The following COP1 variants were observed in gnomAD, a reference collection of about 807,000 sequenced individuals.
The protein encoded by COP1 is E3 ubiquitin-protein ligase COP1.
COP1 carries 24 observed loss-of-function variants against 101.3 expected under a neutral mutation model. The ratio of observed to expected loss-of-function variants is 0.24; its 90% CI spans 0.17 to 0.33. The LOEUF is 0.33. COP1 is among the 10% of genes least tolerant of loss of function. COP1 has a pLI of 1.00. For synonymous variants in COP1, 347 were observed against 341.9 expected, an observed-to-expected ratio of 1.01 and a Z score of -0.17; for missense variants, 663 against 906.2, an observed-to-expected ratio of 0.73 and a Z score of 3.45.
At chr1:176,065,798 C>G (rs560811486) in intron 11 of COP1, among the ~76,000 whole-genome samples, 10 of 151,768 alleles carry the variant, frequency 6.6e-5, no homozygotes, top group South Asian at 2.1e-4. Context: ...ACCTCCACCC[C>G]CTGGGTTCAA....
intron 11 of COP1, among the ~76,000 whole-genome samples, chr1:176,054,363 T>C (rs1271240608): frequency 3.3e-5 from 5 of 152,026 alleles, no homozygotes; most frequent in Admixed American, 6.5e-5. Context: ...GGTTTCACCA[T>C]GTTGGCCAGA....
intron 1 of COP1, among the ~76,000 whole-genome samples, chr1:176,196,171 C>CAA (rs539811508): frequency 5.8e-4 from 88 of 151,808 alleles, no homozygotes; most frequent in African/African-American, 2.0e-3. Context: ...AAAAGAGGGC[C>CAA]AAAAATCAAT....
intron 8 of COP1, among the ~76,000 whole-genome samples, chr1:176,124,519 GTTGT>G (rs749266845): frequency 2.7e-5 from 4 of 150,934 alleles, no homozygotes; most frequent in Non-Finnish European, 4.4e-5. Flanking sequence ...GAAAACATGT[GTTGT>G]TTATCTTTCT....
chr1:176,070,066 G>A (rs1207712153), intron 11 of COP1, among the ~76,000 whole-genome samples: 1 of 152,108 alleles, frequency 6.6e-6, no homozygotes. Flanking sequence ...TATGTCAAAT[G>A]TTAGATATCC....
chr1:175,945,075 A>T lies in COP1; in HGVS notation c.*78T>A. 1 of 1,079,774 alleles carries T rather than the reference A, an allele frequency of 9.3e-7. No individual in the cohort carries two copies. The highest frequency in any genetic ancestry group is 1.4e-6 in the Non-Finnish European group (1 of 715,434). The allele number at this position is 1,079,774 out of a possible 1,614,324, so 66.9% of individuals were successfully genotyped here. A position where few individuals can be genotyped will look rare whatever the true frequency, so the allele number is the denominator to read the frequency against. On this transcript the variant is annotated 3_prime_UTR_variant, in exon 20 of 20. Coordinates refer to ENST00000367669, the MANE Select transcript of COP1 (RefSeq NM_022457.7). ...ACTTTGGGGAGAGACATCACATGAC[A>T]TTTTCTGTTTCTTCTCTCATTGTCA...
intron 18 of COP1, among the ~76,000 whole-genome samples, chr1:175,966,935 A>C (rs2148570771): frequency 6.6e-6 from 1 of 152,288 alleles, no homozygotes; most frequent in Non-Finnish European, 1.5e-5. Flanking sequence ...CCCCCCATAC[A>C]CAAAATCCCA....
chr1:176,133,931 C>T (rs545860734), intron 8 of COP1: 2 of 441,772 alleles, frequency 4.5e-6, no homozygotes, highest in Admixed American at 2.5e-5. Flanking sequence ...CAGACCAAGT[C>T]ATTCTCAAAT....
At chr1:176,203,265 A>G (rs1393539625) in intron 1 of COP1, among the ~76,000 whole-genome samples, 1 of 152,202 alleles carries the variant, frequency 6.6e-6, no homozygotes, top group East Asian at 1.9e-4. Flanking sequence ...TGAACCCGGG[A>G]GGCGGAGCTT....
At chr1:176,077,706 C>A (rs1321456879) in intron 11 of COP1, among the ~76,000 whole-genome samples, 3 of 152,066 alleles carry the variant, frequency 2.0e-5, no homozygotes, top group Admixed American at 1.3e-4. Context: ...AAGATTAAGT[C>A]AAATTATCTC....
At chr1:176,021,656 T>C (rs1666770010) in intron 15 of COP1, among the ~76,000 whole-genome samples, 1 of 152,196 alleles carries the variant, frequency 6.6e-6, no homozygotes, top group African/African-American at 2.4e-5. Flanking sequence ...GAAATGGTTG[T>C]CTACATTAAC....
chr1:176,006,340 CTATTTA>C (rs1663206441), intron 15 of COP1, among the ~76,000 whole-genome samples: 2 of 152,298 alleles, frequency 1.3e-5, no homozygotes, highest in East Asian at 1.9e-4. Flanking sequence ...AGCATTTAGT[CTATTTA>C]TATTTAAAGT....
In COP1 at chr1:176,088,570, C is replaced by T. The variant is rs1043426366; in HGVS notation, c.1027-2680G>A. On this transcript the variant is annotated intron_variant, in intron 9 of 19. Coordinates refer to ENST00000367669, the MANE Select transcript of COP1 (RefSeq NM_022457.7). ...GCTTTTCTTTATATGTGTTTTACCT[C>T]CATTTCAAAGAAGGCATAATAAAAA... Among the ~76,000 whole-genome samples the T allele has an allele frequency of 3.2e-4, 48 of 151,956 alleles. 1 individual carries two copies. Among genetic ancestry groups the T allele is most frequent in the African/African-American group, 1.1e-3 (47 of 41,440 alleles).
At chr1:176,065,251 T>C (rs1057490580) in intron 11 of COP1, among the ~76,000 whole-genome samples, 2 of 152,108 alleles carry the variant, frequency 1.3e-5, no homozygotes, top group East Asian at 1.9e-4. Flanking sequence ...CTGTGAACAG[T>C]AGATAGAGAA....
At chr1:176,008,898 A>G (rs1306272311) in intron 15 of COP1, among the ~76,000 whole-genome samples, 2 of 152,200 alleles carry the variant, frequency 1.3e-5, no homozygotes, top group Non-Finnish European at 2.9e-5. Flanking sequence ...GGTCAGCAAC[A>G]CTTAGCAGTA....
chr1:176,007,592 A>T (rs1663618173), intron 15 of COP1, among the ~76,000 whole-genome samples: 2 of 151,666 alleles, frequency 1.3e-5, no homozygotes, highest in Non-Finnish European at 2.9e-5. Flanking sequence ...GGTCTGTTGG[A>T]ATACCCTGCC....
chr1:176,158,052 A>T (rs1383251746), intron 5 of COP1, among the ~76,000 whole-genome samples: 2 of 152,084 alleles, frequency 1.3e-5, no homozygotes, highest in Non-Finnish European at 2.9e-5. Flanking sequence ...AAATCTACAG[A>T]TCTAAAAAAT....
chr1:176,147,898 T>C (rs1691805429), intron 6 of COP1, among the ~76,000 whole-genome samples: 1 of 152,200 alleles, frequency 6.6e-6, no homozygotes, highest in African/African-American at 2.4e-5. Context: ...AGCAAGATCA[T>C]CAGGCAACTT....
At chr1:176,167,393 C>T (rs1306142511) in intron 3 of COP1, among the ~76,000 whole-genome samples, 2 of 150,476 alleles carry the variant, frequency 1.3e-5, no homozygotes, top group Admixed American at 6.6e-5. Context: ...GCATAGTAGG[C>T]GCCTGGTATT....
chr1:176,029,307 G>GAT (rs1238373418), intron 14 of COP1, among the ~76,000 whole-genome samples: 1 of 152,072 alleles, frequency 6.6e-6, no homozygotes, highest in Non-Finnish European at 1.5e-5. Flanking sequence ...CTAAGCCAGT[G>GAT]ATATATATTA....
Sources: allele counts gnomAD v4.1 joint callset (sites outside exome capture counted in the v4.1 genomes callset), GRCh38; gene constraint gnomAD v4.1.1; transcripts MANE v1.5; gene names NCBI Gene and HGNC (gene_info 2026-07-23, HGNC 2026-07-21).